PCDH15: variants seen among roughly 807,000 people sequenced by gnomAD.
PCDH15 encodes protocadherin related 15.
A neutral mutation model predicts 178.5 loss-of-function variants in PCDH15; 129 were observed. The observed-to-expected ratio is 0.72, with a 90% CI of 0.63 to 0.84. PCDH15 has a LOEUF of 0.84. Ranked by LOEUF, PCDH15 falls within the 40% of genes least tolerant of loss-of-function variation. The pLI, the probability that PCDH15 is intolerant of heterozygous loss-of-function variation, is 0.00. For missense variants in PCDH15, 2,230 were observed against 2,099.9 expected (o/e 1.06, Z -1.21); for synonymous variants, 800 against 732.0 (o/e 1.09, Z -1.50).
In PCDH15 at chr10:53,810,642, TC is replaced by T; in HGVS notation, c.4584del (p.Ser1529ValfsTer35). 6.2e-7 allele frequency: 1 copy of T among 1,613,804 alleles called. No individual in the cohort carries two copies. The highest frequency in any genetic ancestry group is 8.5e-7 in the Non-Finnish European group (1 of 1,179,774). On this transcript the variant is annotated frameshift_variant, in exon 37 of 38. Transcript: ENST00000644397. LOFTEE classifies it high-confidence loss of function. ...GCTGGTGGTAACAATCGACGGCGAC[TC>T]CCATATTGAGGCATTTCATACCTGT... ...YEHGYEMPQY[G>X]SRRRLLPPAG... is the part of the protein sequence containing the mutation.
chr10:54,266,026 A>T (rs1418910224), intron 8 of PCDH15, among the ~76,000 whole-genome samples: 4 of 147,920 alleles, frequency 2.7e-5, no homozygotes, highest in African/African-American at 9.9e-5. Context: ...TCACATATGC[A>T]GTCATAAAGC....
At chr10:53,862,896 C>CTAGA (rs1281142954) in intron 27 of PCDH15, among the ~76,000 whole-genome samples, 1 of 152,048 alleles carries the variant, frequency 6.6e-6, no homozygotes, top group African/African-American at 2.4e-5. Context: ...AGCTAGCTGC[C>CTAGA]TAGATAGATA....
intron 2 of PCDH15, among the ~76,000 whole-genome samples, chr10:55,497,829 A>G (rs1031549383): frequency 6.6e-6 from 1 of 151,850 alleles, no homozygotes; most frequent in African/African-American, 2.4e-5. Flanking sequence ...ATCTGGCAAG[A>G]TGATTCTATC....
chr10:55,561,805 A>G (rs1325734498), intron 2 of PCDH15, among the ~76,000 whole-genome samples: 1 of 151,962 alleles, frequency 6.6e-6, no homozygotes, highest in Non-Finnish European at 1.5e-5. Context: ...GGGAGAATAG[A>G]AAAAAGAAAG....
chr10:54,749,937 AC>A (rs1469141631), intron 1 of PCDH15, among the ~76,000 whole-genome samples: 1 of 152,032 alleles, frequency 6.6e-6, no homozygotes, highest in Non-Finnish European at 1.5e-5. Context: ...ATGAATTAAA[AC>A]TTTTTTTTAA....
At chr10:54,540,177 C>T (rs1487475555) in intron 2 of PCDH15, among the ~76,000 whole-genome samples, 1 of 151,952 alleles carries the variant, frequency 6.6e-6, no homozygotes, top group East Asian at 1.9e-4. Flanking sequence ...AAAATTGAGG[C>T]ATAAAAATCC....
chr10:55,061,858 A>G (rs1209166439), intron 2 of PCDH15, among the ~76,000 whole-genome samples: 7 of 152,242 alleles, frequency 4.6e-5, no homozygotes, highest in Admixed American at 2.0e-4. Flanking sequence ...CGACTCTACT[A>G]AAAATACAAA....
chr10:54,741,314 C>A (rs2132812342), intron 1 of PCDH15, among the ~76,000 whole-genome samples: 1 of 151,578 alleles, frequency 6.6e-6, no homozygotes, highest in Middle Eastern at 3.4e-3. Flanking sequence ...TATTTAGTAA[C>A]TAAAAATGTA....
intron 2 of PCDH15, among the ~76,000 whole-genome samples, chr10:55,553,515 A>T (rs904743708): frequency 6.6e-6 from 1 of 151,798 alleles, no homozygotes; most frequent in African/African-American, 2.4e-5. Context: ...TTTAATGAAT[A>T]TTCATTGTCA....
intron 2 of PCDH15, among the ~76,000 whole-genome samples, chr10:55,469,401 T>C (rs1839909305): frequency 6.6e-6 from 1 of 152,176 alleles, no homozygotes; most frequent in African/African-American, 2.4e-5. Flanking sequence ...TATGTATGCA[T>C]ATATCTGATC....
intron 2 of PCDH15, among the ~76,000 whole-genome samples, chr10:55,582,605 T>TATATATATATAC: frequency 2.3e-5 from 2 of 88,038 alleles, no homozygotes; most frequent in African/African-American, 1.1e-4. Context: ...TGTATATATA[T>TATATATATATAC]ATATATATAT....
At chr10:54,291,819 G>T (rs1039362814) in intron 8 of PCDH15, among the ~76,000 whole-genome samples, 8 of 152,126 alleles carry the variant, frequency 5.3e-5, no homozygotes, top group Non-Finnish European at 4.4e-5. Flanking sequence ...TGAAATTGAG[G>T]CAATAATTAA....
chr10:54,795,367 T>A (rs536375935), intron 1 of PCDH15, among the ~76,000 whole-genome samples: 70 of 151,998 alleles, frequency 4.6e-4, no homozygotes, highest in Non-Finnish European at 8.8e-4. Context: ...ATTACTTCAG[T>A]TGGCCTTAAG....
At chr10:53,822,779 T>G in intron 32 of PCDH15, 1 of 1,614,132 alleles carries the variant, frequency 6.2e-7, no homozygotes, top group African/African-American at 1.3e-5. Context: ...ACTGTTCTGT[T>G]CCTTCTATCA....
At chr10:54,982,311 T>C (rs77362220) in intron 2 of PCDH15, among the ~76,000 whole-genome samples, 3,398 of 152,174 alleles carry the variant, frequency 0.022, 126 homozygotes, top group African/African-American at 0.077. Context: ...GAAGATAAAC[T>C]AAACAGTATG....
intron 2 of PCDH15, among the ~76,000 whole-genome samples, chr10:54,626,059 G>T (rs531339705): frequency 4.7e-4 from 72 of 152,272 alleles, no homozygotes; most frequent in Middle Eastern, 6.8e-3. Flanking sequence ...CTGCCTTAGA[G>T]ATTTGTGGAA....
chr10:54,693,884 A>G (rs528141571), intron 1 of PCDH15, among the ~76,000 whole-genome samples: 2 of 152,296 alleles, frequency 1.3e-5, no homozygotes, highest in Non-Finnish European at 2.9e-5. Context: ...CAGAAATCGT[A>G]CAAGAAAAAA....
chr10:55,340,005 C>G (rs7904262), intron 2 of PCDH15, among the ~76,000 whole-genome samples: 194 of 151,256 alleles, frequency 1.3e-3, no homozygotes, highest in African/African-American at 4.0e-3. Context: ...CTTATCTACA[C>G]AATTCTGTAG....
At chr10:53,948,281 T>C (rs771568661) in intron 23 of PCDH15, among the ~76,000 whole-genome samples, 4 of 152,200 alleles carry the variant, frequency 2.6e-5, no homozygotes, top group African/African-American at 9.6e-5. Flanking sequence ...ATGGATATAT[T>C]AAAGTAGCAA....
Sources: gnomAD v4.1 joint callset for allele counts (sites outside exome capture counted in the v4.1 genomes callset) on GRCh38, gnomAD v4.1.1 for gene constraint, MANE v1.5 for transcripts, NCBI Gene and HGNC (gene_info 2026-07-23, HGNC 2026-07-21) for gene names.